DKK2: variants seen among roughly 807,000 people sequenced by gnomAD.
DKK2 encodes dickkopf-related protein 2.
In DKK2, 11 loss-of-function variants were observed where a neutral mutation model predicts 28.1. The ratio of observed to expected loss-of-function variants is 0.39; its 90% CI spans 0.25 to 0.65. The LOEUF (loss-of-function observed/expected upper bound fraction) is 0.65. Among genes scored for constraint, DKK2 ranks in the 30% least tolerant of loss-of-function variants. The pLI, the probability that DKK2 is intolerant of heterozygous loss-of-function variation, is 0.47. For synonymous variants in DKK2, 135 were observed against 126.5 expected (o/e 1.07, Z -0.45); for missense variants, 326 against 335.5 (o/e 0.97, Z 0.22).
chr4:106,999,549 G>A (rs939431322), intron 1 of DKK2, among the ~76,000 whole-genome samples: 3 of 151,944 alleles, frequency 2.0e-5, no homozygotes, highest in Admixed American at 6.6e-5. Context: ...GTTTCACCAC[G>A]TTAGCCAGGA....
chr4:107,018,261 G>A (rs1460727738), intron 1 of DKK2, among the ~76,000 whole-genome samples: 1 of 151,992 alleles, frequency 6.6e-6, no homozygotes, highest in Non-Finnish European at 1.5e-5. Context: ...TTTTAAGAAG[G>A]TCCAAATTAG....
chr4:107,010,179 A>G (rs1002827426), intron 1 of DKK2, among the ~76,000 whole-genome samples: 1 of 151,758 alleles, frequency 6.6e-6, no homozygotes, highest in Non-Finnish European at 1.5e-5. Context: ...TACAATATTT[A>G]TACTCATAGT....
intron 1 of DKK2, among the ~76,000 whole-genome samples, chr4:106,930,203 A>T (rs768272695): frequency 6.6e-6 from 1 of 152,214 alleles, no homozygotes; most frequent in Admixed American, 6.5e-5. Context: ...TCAAAAGTCC[A>T]TAATGAAAAT....
intron 1 of DKK2, among the ~76,000 whole-genome samples, chr4:106,982,889 A>G (rs375098113): frequency 8.6e-5 from 13 of 150,968 alleles, no homozygotes; most frequent in African/African-American, 2.2e-4. Context: ...AAAAAAATCA[A>G]TGGAGAAAGC....
chr4:107,020,340 A>T (rs900933012), intron 1 of DKK2, among the ~76,000 whole-genome samples: 1 of 152,072 alleles, frequency 6.6e-6, no homozygotes, highest in African/African-American at 2.4e-5. Context: ...CTTCAAGAGG[A>T]TTTTTCTTGT....
intron 1 of DKK2, among the ~76,000 whole-genome samples, chr4:106,993,660 A>G (rs1447746139): frequency 6.6e-6 from 1 of 152,124 alleles, no homozygotes; most frequent in Non-Finnish European, 1.5e-5. Flanking sequence ...CTCTCAAGCA[A>G]CTTTGGCACT....
At chr4:106,988,026 G>A (rs952429597) in intron 1 of DKK2, among the ~76,000 whole-genome samples, 13 of 151,882 alleles carry the variant, frequency 8.6e-5, no homozygotes, top group African/African-American at 1.7e-4. Flanking sequence ...CATCACGCCC[G>A]GCTAATTTTT....
intron 1 of DKK2, among the ~76,000 whole-genome samples, chr4:106,940,070 C>T (rs991873142): frequency 8.3e-4 from 127 of 152,130 alleles, no homozygotes; most frequent in Non-Finnish European, 1.1e-3. Context: ...ATGTCTAAAA[C>T]ACCAAAAGCA....
In DKK2 at chr4:106,924,026, G is replaced by A. The variant is rs773296323; in HGVS notation, c.708C>T (p.Gly236=). ...CATCTTTCCATACTTTGCAAGACAG[G>A]CCCTTCGCACAGTCGCAACGCTGGA... ...EIFQRCDCAK[G]LSCKVWKDAT... is the part of the protein sequence containing the mutation. Residue 236 remains glycine (G), a synonymous_variant, in exon 4 of 4, where the codon GGC becomes GGT. Coordinates refer to ENST00000285311, the MANE Select transcript of DKK2 (RefSeq NM_014421.3). 1 of 1,613,928 alleles carries A rather than the reference G, an allele frequency of 6.2e-7. No homozygotes were observed. Among genetic ancestry groups the A allele is most frequent in the Non-Finnish European group, 8.5e-7 (1 of 1,179,934 alleles).
At chr4:106,948,336 C>G (rs1724809599) in intron 1 of DKK2, among the ~76,000 whole-genome samples, 1 of 152,118 alleles carries the variant, frequency 6.6e-6, no homozygotes, top group South Asian at 2.1e-4. Flanking sequence ...TCTATGTTTC[C>G]AAGTGATACC....
intron 1 of DKK2, among the ~76,000 whole-genome samples, chr4:106,980,026 G>C (rs1267627894): frequency 6.6e-6 from 1 of 152,120 alleles, no homozygotes; most frequent in Admixed American, 6.5e-5. Flanking sequence ...TCCATATCAT[G>C]GTTACTGCTA....
intron 1 of DKK2, among the ~76,000 whole-genome samples, chr4:106,936,576 GC>G (rs1454937771): frequency 6.6e-6 from 1 of 152,104 alleles, no homozygotes; most frequent in Non-Finnish European, 1.5e-5. Flanking sequence ...CCCCAATCTA[GC>G]AAGGCAGGCC....
chr4:107,024,785 G>A (rs34940017), intron 1 of DKK2, among the ~76,000 whole-genome samples: 1 of 151,956 alleles, frequency 6.6e-6, no homozygotes, highest in Non-Finnish European at 1.5e-5. Flanking sequence ...TTTATTTGAG[G>A]TCGTGCATAT....
chr4:107,011,795 TATCAACA>T (rs1321727702), intron 1 of DKK2, among the ~76,000 whole-genome samples: 3 of 151,314 alleles, frequency 2.0e-5, no homozygotes, highest in Admixed American at 6.6e-5. Flanking sequence ...TCTGCTAAGG[TATCAACA>T]ATTTTACCCA....
At chr4:106,982,183 T>C (rs1723035986) in intron 1 of DKK2, among the ~76,000 whole-genome samples, 1 of 152,220 alleles carries the variant, frequency 6.6e-6, no homozygotes, top group Non-Finnish European at 1.5e-5. Context: ...TTGGTTATTT[T>C]ATTTGTCTAT....
rs34597899 is a variant in DKK2, at chr4:106,961,565, G to GCACACACACACACACACACACACA, written c.223-35640_223-35617dup. ...TTAAATTTGCAGCCGCCAACAGCCT[G>GCACACACACACACACACACACACA]CACACACACACACACACACACACAC... On this transcript the variant is annotated intron_variant, in intron 1 of 3. Transcript: ENST00000285311. Among the ~76,000 whole-genome samples the GCACACACACACACACACACACACA allele has an allele frequency of 6.5e-3, 888 of 136,248 alleles. 10 individuals are homozygous for GCACACACACACACACACACACACA. Among genetic ancestry groups the GCACACACACACACACACACACACA allele is most frequent in the Non-Finnish European group, 1.0e-2 (634 of 63,460 alleles). The allele number at this position is 136,248 out of a possible 152,430, so 89.4% of individuals were successfully genotyped here. A position where few individuals can be genotyped will look rare whatever the true frequency, so the allele number is the denominator to read the frequency against.
chr4:107,008,516 A>T (rs886869266), intron 1 of DKK2, among the ~76,000 whole-genome samples: 10 of 152,006 alleles, frequency 6.6e-5, no homozygotes, highest in Non-Finnish European at 1.3e-4. Context: ...TAGAATTTTT[A>T]ATAGGAGAAA....
At chr4:106,977,268 G>A (rs1047978146) in intron 1 of DKK2, among the ~76,000 whole-genome samples, 3 of 152,070 alleles carry the variant, frequency 2.0e-5, no homozygotes, top group Non-Finnish European at 4.4e-5. Flanking sequence ...TGTATTTCCC[G>A]AATTTGAATG....
chr4:106,982,265 T>C (rs1723037592), intron 1 of DKK2, among the ~76,000 whole-genome samples: 1 of 152,142 alleles, frequency 6.6e-6, no homozygotes, highest in African/African-American at 2.4e-5. Flanking sequence ...ATGTATTGAG[T>C]ATGTGTAAGA....
Sources: allele counts gnomAD v4.1 joint callset (sites outside exome capture counted in the v4.1 genomes callset), GRCh38; gene constraint gnomAD v4.1.1; transcripts MANE v1.5; gene names NCBI Gene and HGNC (gene_info 2026-07-23, HGNC 2026-07-21).